The following CGGBP1 variants were observed in gnomAD, a reference collection of about 807,000 sequenced individuals.
CGGBP1 encodes the protein CGG triplet repeat binding protein 1.
CGGBP1 carries 4 observed loss-of-function variants against 11.4 expected under a neutral mutation model. The ratio of observed to expected loss-of-function variants is 0.35; its 90% confidence interval spans 0.17 to 0.80. The LOEUF (loss-of-function observed/expected upper bound fraction) is 0.80. Among genes scored for constraint, CGGBP1 ranks in the 30% least tolerant of loss-of-function variants. The pLI, the probability that CGGBP1 is intolerant of heterozygous loss-of-function variation, is 0.52. For missense variants in CGGBP1, 135 were observed against 202.1 expected (o/e 0.67, Z 2.01); for synonymous variants, 76 against 74.1 (o/e 1.03, Z -0.13).
chr3:88,133,105 G>A (rs1423334256), intron 2 of CGGBP1, among the ~76,000 whole-genome samples: 1 of 152,170 alleles, frequency 6.6e-6, no homozygotes, highest in African/African-American at 2.4e-5. Flanking sequence ...GTTTAGAGTT[G>A]AGAACATTCC....
chr3:88,130,516 A>G (rs1037519148), intron 2 of CGGBP1, among the ~76,000 whole-genome samples: 2 of 151,990 alleles, frequency 1.3e-5, no homozygotes, highest in Non-Finnish European at 1.5e-5. Context: ...CAGTGGTGCG[A>G]TCATGGCTCA....
intron 2 of CGGBP1, among the ~76,000 whole-genome samples, chr3:88,103,389 C>G (rs1278501253): frequency 6.6e-6 from 1 of 151,942 alleles, no homozygotes; most frequent in African/African-American, 2.4e-5. Flanking sequence ...CTTAATGCAG[C>G]TAAAGAAAGA....
intron 2 of CGGBP1, among the ~76,000 whole-genome samples, chr3:88,078,572 A>G (rs1377679176): frequency 6.6e-6 from 1 of 152,156 alleles, no homozygotes; most frequent in Non-Finnish European, 1.5e-5. Flanking sequence ...ATGGCCACTA[A>G]AAGTAGTATA....
chr3:88,126,871 G>A (rs906430433), intron 2 of CGGBP1, among the ~76,000 whole-genome samples: 3 of 152,106 alleles, frequency 2.0e-5, no homozygotes, highest in African/African-American at 7.2e-5. Flanking sequence ...TCATGCATTA[G>A]AAGTTTTGTC....
At chr3:88,118,929 T>C (rs530491731) in intron 2 of CGGBP1, among the ~76,000 whole-genome samples, 1 of 149,942 alleles carries the variant, frequency 6.7e-6, no homozygotes, top group Non-Finnish European at 1.5e-5. Flanking sequence ...ACTTTTACAC[T>C]GTTGGTGGGA....
upstream of CGGBP1, chr3:88,059,087 T>A: frequency 1.3e-6 from 1 of 791,600 alleles, no homozygotes; most frequent in Non-Finnish European, 1.9e-6. Context: ...GACTGTCGAT[T>A]TCACCAATAG....
intron 1 of CGGBP1, chr3:88,143,795 A>G (rs1249967062): frequency 6.6e-6 from 1 of 151,992 alleles, no homozygotes; most frequent in Non-Finnish European, 1.5e-5. Context: ...GGAATGTTTT[A>G]TAAAATTCTA....
rs564926522 is a variant in CGGBP1 at position 88,091,785 on chromosome 3, C to T, written c.-228-33562G>A. Among the ~76,000 whole-genome samples the T allele has an allele frequency of 6.6e-5, 10 of 152,310 alleles. No individual in the cohort carries two copies. In the South Asian group the frequency reaches 1.9e-3, roughly 28 times the overall value. On this transcript the variant is annotated intron_variant, in intron 2 of 3. Transcript: ENST00000462901. ...AGTTCCCCTGCACATGCTCTCTTGC[C>T]TGCCGCCATGTAAGACATGCCTTTG...
chr3:88,071,639 A>AACAC (rs1707519705), intron 2 of CGGBP1, among the ~76,000 whole-genome samples: 1 of 151,314 alleles, frequency 6.6e-6, no homozygotes, highest in Non-Finnish European at 1.5e-5. Context: ...CCATCTCAAA[A>AACAC]ACAAACAAAC....
chr3:88,104,877 G>T (rs144899785), intron 2 of CGGBP1, among the ~76,000 whole-genome samples: 1 of 152,176 alleles, frequency 6.6e-6, no homozygotes, highest in Non-Finnish European at 1.5e-5. Context: ...AGTGGCTTAC[G>T]CCTGTAATCC....
chr3:88,103,150 C>T (rs754301561), intron 2 of CGGBP1, among the ~76,000 whole-genome samples: 1 of 151,874 alleles, frequency 6.6e-6, no homozygotes, highest in African/African-American at 2.4e-5. Flanking sequence ...TTTCAAAAAC[C>T]AGAAATTACA....
chr3:88,094,944 C>A (rs1408700852), intron 2 of CGGBP1, among the ~76,000 whole-genome samples: 1 of 152,080 alleles, frequency 6.6e-6, no homozygotes, highest in Non-Finnish European at 1.5e-5. Flanking sequence ...TTGCTCACTG[C>A]TTCTTACAAA....
intron 1 of CGGBP1, chr3:88,143,895 CAT>C (rs1296948026): frequency 6.6e-6 from 1 of 151,918 alleles, no homozygotes; most frequent in Non-Finnish European, 1.5e-5. Context: ...TCTTTTAAAA[CAT>C]AAACCTACAT....
intron 2 of CGGBP1, among the ~76,000 whole-genome samples, chr3:88,077,561 A>C (rs1381489395): frequency 8.5e-5 from 13 of 152,048 alleles, no homozygotes; most frequent in Admixed American, 8.5e-4. Context: ...ATTGTTCTTC[A>C]TTTAATTTAT....
chr3:88,090,622 CAT>C (rs1342338890), intron 2 of CGGBP1, among the ~76,000 whole-genome samples: 2 of 152,102 alleles, frequency 1.3e-5, no homozygotes, highest in African/African-American at 4.8e-5. Context: ...TATATTTCTA[CAT>C]GAGTGTGTAG....
At chr3:88,064,707 T>G (rs1301729034) in intron 2 of CGGBP1, among the ~76,000 whole-genome samples, 1 of 152,214 alleles carries the variant, frequency 6.6e-6, no homozygotes, top group East Asian at 1.9e-4. Context: ...TCTGTAGATA[T>G]CTCTCCTTTT....
intron 2 of CGGBP1, among the ~76,000 whole-genome samples, chr3:88,080,608 C>G (rs1301002816): frequency 6.6e-6 from 1 of 152,024 alleles, no homozygotes; most frequent in African/African-American, 2.4e-5. Context: ...GCTTCCAAAG[C>G]CTATACTCTT....
intron 1 of CGGBP1, among the ~76,000 whole-genome samples, chr3:88,145,418 TAAAATGATC>T (rs1707294003): frequency 6.6e-6 from 1 of 152,134 alleles, no homozygotes; most frequent in South Asian, 2.1e-4. Flanking sequence ...AGCTGAGATC[TAAAATGATC>T]AGTCTGATTT....
chr3:88,110,926 A>C (rs1393063716), intron 2 of CGGBP1, among the ~76,000 whole-genome samples: 1 of 151,950 alleles, frequency 6.6e-6, no homozygotes, highest in East Asian at 1.9e-4. Context: ...TCTCTTTTTA[A>C]TATCATTATC....
Sources: allele counts gnomAD v4.1 joint callset (sites outside exome capture counted in the v4.1 genomes callset), GRCh38; gene constraint gnomAD v4.1.1; transcripts MANE v1.5; gene names NCBI Gene and HGNC (gene_info 2026-07-23, HGNC 2026-07-21).